Variants in BCKDHB observed in about 807,000 individuals in gnomAD.
BCKDHB encodes branched chain keto acid dehydrogenase E1 subunit beta.
BCKDHB carries 41 observed loss-of-function variants against 48.5 expected under a neutral mutation model. That is an observed-to-expected ratio of 0.85 (90% CI 0.66 to 1.10). The LOEUF is 1.10. BCKDHB is among the 50% of genes least tolerant of loss of function. BCKDHB has a pLI of 0.00. For missense variants in BCKDHB, 496 were observed against 494.2 expected, an observed-to-expected ratio of 1.00 and a Z score of -0.03; for synonymous variants, 201 against 174.8, an observed-to-expected ratio of 1.15 and a Z score of -1.18.
chr6:80,168,405 G>GA (rs1216173504), intron 4 of BCKDHB, among the ~76,000 whole-genome samples: 2 of 98,834 alleles, frequency 2.0e-5, no homozygotes, highest in Non-Finnish European at 4.3e-5. Context: ...AGAAAGAAGG[G>GA]AAGGGAGGGA....
In BCKDHB at chr6:80,106,726, A is replaced by G. The variant is rs755140913; in HGVS notation, c.33A>G (p.Leu11=). Residue 11 remains leucine, a synonymous_variant, in exon 1 of 10, where the codon CTA becomes CTG. Coordinates refer to ENST00000320393, the MANE Select transcript of BCKDHB (RefSeq NM_183050.4). MAVVAAAAGW[L]LRLRAAGAEG... ...TTGTAGCGGCGGCTGCCGGCTGGCT[A>G]CTCAGGCTCAGGGCGGCAGGGGCTG... 6.4e-7 allele frequency: 1 copy of G among 1,555,986 alleles called. No homozygotes were observed. The highest frequency in any genetic ancestry group is 8.7e-7 in the Non-Finnish European group (1 of 1,150,924).
chr6:80,196,282 C>T (rs555528738), intron 6 of BCKDHB, among the ~76,000 whole-genome samples: 1 of 152,082 alleles, frequency 6.6e-6, no homozygotes, highest in African/African-American at 2.4e-5. Context: ...CAAGCATAAA[C>T]ATGGTTTCAC....
At chr6:80,264,442 G>A (rs1777430980) in intron 8 of BCKDHB, among the ~76,000 whole-genome samples, 1 of 152,146 alleles carries the variant, frequency 6.6e-6, no homozygotes, top group Admixed American at 6.6e-5. Context: ...GGCACAATAT[G>A]GAGCAAAGCT....
chr6:80,107,516 T>TATATATATATAC (rs1769165352), intron 1 of BCKDHB, among the ~76,000 whole-genome samples: 1 of 46,562 alleles, frequency 2.1e-5, no homozygotes, highest in Admixed American at 3.1e-4. Flanking sequence ...TATGTGCGCA[T>TATATATATATAC]ATATATATAT....
At chr6:80,329,654 C>G (rs574353360) in intron 9 of BCKDHB, among the ~76,000 whole-genome samples, 28 of 152,208 alleles carry the variant, frequency 1.8e-4, no homozygotes, top group Admixed American at 5.2e-4. Flanking sequence ...CATAGGCCTT[C>G]TCTCAATAAC....
the BCKDHB span, among the ~76,000 whole-genome samples, chr6:80,456,385 A>G: frequency 5.3e-5 from 8 of 152,122 alleles, no homozygotes; most frequent in Admixed American, 2.6e-4. Context: ...TGGCTCTGAC[A>G]AAGCTTTGGG....
chr6:80,222,233 A>G (rs2127864187), intron 8 of BCKDHB, among the ~76,000 whole-genome samples: 1 of 152,298 alleles, frequency 6.6e-6, no homozygotes, highest in East Asian at 1.9e-4. Context: ...ATTTTCTGTT[A>G]CTGAGTTAGT....
the BCKDHB span, among the ~76,000 whole-genome samples, chr6:80,450,212 C>T: frequency 1.3e-5 from 2 of 152,150 alleles, no homozygotes; most frequent in East Asian, 1.9e-4. Context: ...GCTCATGCTT[C>T]CATTACTCCC....
chr6:80,344,541 T>C lies in BCKDHB; in HGVS notation c.*737T>C, dbSNP rs554138016. The C allele has an allele frequency of 2.0e-5, 3 of 152,250 alleles. No individual in the cohort carries two copies. The highest frequency in any genetic ancestry group is 7.3e-5 in the African/African-American group (3 of 41,376). The allele number at this position is 152,250 out of a possible 1,614,324, so 9.4% of individuals were successfully genotyped here. On this transcript the variant is annotated 3_prime_UTR_variant, in exon 10 of 10. Transcript: ENST00000320393. ...TTTATATTTTTAGTAGAGACGGGGT[T>C]TCACCATGTTGGCCAGGATGGTCTC...
intron 3 of BCKDHB, among the ~76,000 whole-genome samples, chr6:80,141,010 A>G (rs958514582): frequency 2.6e-5 from 4 of 152,134 alleles, no homozygotes; most frequent in South Asian, 2.1e-4. Flanking sequence ...CAGAGATTCA[A>G]CTTCTTCCTG....
chr6:80,408,383 A>G, the BCKDHB span, among the ~76,000 whole-genome samples: 1 of 152,112 alleles, frequency 6.6e-6, no homozygotes, highest in Non-Finnish European at 1.5e-5. Flanking sequence ...TGAGTAAGGG[A>G]GGATTCCTTC....
At chr6:80,236,740 T>G (rs1289617757) in intron 8 of BCKDHB, among the ~76,000 whole-genome samples, 2 of 152,284 alleles carry the variant, frequency 1.3e-5, no homozygotes, top group East Asian at 3.9e-4. Flanking sequence ...TAACCAATAT[T>G]CTATGCAGCC....
chr6:80,298,733 G>A (rs1348017402), intron 9 of BCKDHB, among the ~76,000 whole-genome samples: 1 of 152,194 alleles, frequency 6.6e-6, no homozygotes, highest in East Asian at 1.9e-4. Context: ...ATTGGAAAAG[G>A]AAAGGAGAGA....
At chr6:80,225,676 C>A (rs1264170994) in intron 8 of BCKDHB, among the ~76,000 whole-genome samples, 1 of 152,076 alleles carries the variant, frequency 6.6e-6, no homozygotes, top group Non-Finnish European at 1.5e-5. Context: ...ACAAAAATTC[C>A]ATCAACATTT....
the BCKDHB span, among the ~76,000 whole-genome samples, chr6:80,362,436 G>C: frequency 6.6e-6 from 1 of 152,272 alleles, no homozygotes; most frequent in African/African-American, 2.4e-5. Flanking sequence ...GTCAGAAGTT[G>C]ATAGCACTGA....
At chr6:80,130,474 TTC>T (rs1393484404) in intron 3 of BCKDHB, among the ~76,000 whole-genome samples, 2 of 152,332 alleles carry the variant, frequency 1.3e-5, no homozygotes, top group African/African-American at 4.8e-5. Flanking sequence ...GCTTAGTCTT[TTC>T]TTTTCCATTT....
chr6:80,305,133 G>T (rs1447371598), intron 9 of BCKDHB, among the ~76,000 whole-genome samples: 1 of 151,988 alleles, frequency 6.6e-6, no homozygotes, highest in Non-Finnish European at 1.5e-5. Context: ...CTGCTTATTA[G>T]AATTAATTGG....
chr6:80,174,744 G>T (rs534618409), intron 6 of BCKDHB, among the ~76,000 whole-genome samples: 4 of 152,238 alleles, frequency 2.6e-5, no homozygotes, highest in Non-Finnish European at 1.5e-5. Context: ...TGATTCTATA[G>T]GGCACTGAGG....
chr6:80,184,856 C>T lies in BCKDHB; in HGVS notation c.742+13466C>T, dbSNP rs146924623. Among the ~76,000 whole-genome samples the T allele has an allele frequency of 1.7e-3, 265 of 152,264 alleles. 1 individual carries two copies. Among genetic ancestry groups the T allele is most frequent in the African/African-American group, 6.0e-3 (251 of 41,566 alleles). ...TAGGTTACCTGATGCTTTTGCCTCA[C>T]AACTCTGAAGATTCTTTCCTTTGTC... On this transcript the variant is annotated intron_variant, in intron 6 of 9. Transcript: ENST00000320393.
Sources: gnomAD v4.1 joint callset for allele counts (sites outside exome capture counted in the v4.1 genomes callset) on GRCh38, gnomAD v4.1.1 for gene constraint, MANE v1.5 for transcripts, NCBI Gene and HGNC (gene_info 2026-07-23, HGNC 2026-07-21) for gene names.